The following GRIK2 variants were observed in gnomAD, a reference collection of about 807,000 sequenced individuals.
The protein encoded by GRIK2 is glutamate ionotropic receptor kainate type subunit 2, also known as glutamate receptor ionotropic, kainate 2.
GRIK2 carries 32 observed loss-of-function variants against 100.3 expected under a neutral mutation model. The observed-to-expected ratio is 0.32, with a 90% CI of 0.24 to 0.43. The LOEUF is 0.43. GRIK2 is among the 20% of genes least tolerant of loss of function. The pLI is 1.00. For missense variants in GRIK2, 843 were observed against 1,114.9 expected (o/e 0.76, Z 3.47); for synonymous variants, 417 against 389.4 (o/e 1.07, Z -0.83).
In GRIK2 at chr6:101,818,069, G is replaced by A. The variant is rs149793201; in HGVS notation, c.1204-301G>A. ...GATGTATGCCATTAATGAGTTTCTA[G>A]CCAGCTATCAAGGTATCATCAAATG... On this transcript the variant is annotated intron_variant, in intron 9 of 16. Coordinates refer to ENST00000369134, the MANE Select transcript of GRIK2 (RefSeq NM_021956.5). Among the ~76,000 whole-genome samples, 326 of 152,274 alleles carry A rather than the reference G, an allele frequency of 2.1e-3. 1 individual carries two copies. The highest frequency in any genetic ancestry group is 4.0e-3 in the Non-Finnish European group (273 of 68,016).
intron 2 of GRIK2, among the ~76,000 whole-genome samples, chr6:101,478,410 G>T (rs977030758): frequency 2.7e-5 from 4 of 147,800 alleles, no homozygotes; most frequent in African/African-American, 7.5e-5. Flanking sequence ...GAAATTAAAA[G>T]AATTTAAAAT....
intron 12 of GRIK2, 168 bp downstream of exon 12, chr6:101,890,031 C>T: frequency 3.3e-6 from 2 of 601,116 alleles, no homozygotes; most frequent in Non-Finnish European, 5.9e-6. Flanking sequence ...AATGTACTGT[C>T]CTGTCTTTGT....
chr6:101,882,079 TC>T (rs1402348878), intron 11 of GRIK2, among the ~76,000 whole-genome samples: 3 of 151,936 alleles, frequency 2.0e-5, no homozygotes, highest in Non-Finnish European at 4.4e-5. Context: ...CCTTATAAAA[TC>T]TTCAGATCTC....
rs1331291300 is a variant in GRIK2, at chr6:101,595,696, A to ATGTG, written c.116-26252_116-26251insGTGT. On this transcript the variant is annotated intron_variant, in intron 2 of 16. Transcript: ENST00000369134. ...TAAATATATTTGTGCATGTATATAT[A>ATGTG]TATGTGTGTGTGTGTGTGTGTGTAT... 4.2e-4 allele frequency among the ~76,000 whole-genome samples: 39 copies of ATGTG among 92,172 alleles called. No individual in the cohort carries two copies. In the East Asian group the frequency reaches 8.3e-3, roughly 20 times the overall value. 60.5% of individuals were successfully genotyped at this position (92,172 alleles called of 152,430 possible). A position where few individuals can be genotyped will look rare whatever the true frequency, so the allele number is the denominator to read the frequency against.
chr6:101,761,820 T>A (rs1777703924), intron 7 of GRIK2, among the ~76,000 whole-genome samples: 2 of 140,058 alleles, frequency 1.4e-5, no homozygotes, highest in Non-Finnish European at 3.0e-5. Flanking sequence ...TTCCTTCTTT[T>A]CTTTTCTTCC....
intron 12 of GRIK2, chr6:101,890,440 A>T (rs1268373819): frequency 2.0e-5 from 3 of 152,268 alleles, no homozygotes; most frequent in African/African-American, 7.2e-5. Flanking sequence ...ATCAGAAGAT[A>T]AAATGCCAAG....
rs1391820089 is a variant in GRIK2 at position 101,920,653 on chromosome 6, T to C, written c.1749-3948T>C. On this transcript the variant is annotated intron_variant, in intron 12 of 16. Transcript: ENST00000369134. ...TTGAAGGATGGGTGTAGGATTTGAA[T>C]ATCTATGGAGTGAAGAGTAGGGAAT... 2.6e-5 allele frequency among the ~76,000 whole-genome samples: 4 copies of C among 151,538 alleles called. No individual in the cohort carries two copies. In the East Asian group the frequency reaches 7.8e-4, roughly 29 times the overall value.
intron 2 of GRIK2, among the ~76,000 whole-genome samples, chr6:101,608,841 C>T (rs932797038): frequency 6.6e-6 from 1 of 150,926 alleles, no homozygotes; most frequent in East Asian, 2.0e-4. Context: ...GTGTGTCTCA[C>T]TCTCCACCCT....
At position 101,448,702 on chromosome 6, in the gene GRIK2, G is replaced by C. The variant is rs1770506675; in HGVS notation, c.115+49310G>C. On this transcript the variant is annotated intron_variant, in intron 2 of 16. Coordinates refer to ENST00000369134, the MANE Select transcript of GRIK2 (RefSeq NM_021956.5). ...TTGACAGCAACAAAAAGATTGGCAAGAAGTCACAGATATAGCCTGAGAGAA... is the reference window on the plus strand; with the variant it reads ...TTGACAGCAACAAAAAGATTGGCAACAAGTCACAGATATAGCCTGAGAGAA... Among the ~76,000 whole-genome samples the C allele has an allele frequency of 1.3e-5, 2 of 151,552 alleles. 1 individual carries two copies. The highest frequency in any genetic ancestry group is 3.9e-4 in the East Asian group (2 of 5,178).
Position 101,876,041 on chromosome 6 carries a change from C to G in GRIK2, c.1525-13599C>G, listed in dbSNP as rs571427506. On this transcript the variant is annotated intron_variant, in intron 11 of 16. Transcript: ENST00000369134. Reference sequence around the variant, plus strand: ...TGTGTGTGTGTGTGTGTAAAGATCTCTCATCTTGGGATCAACATTACAAAT... The same window carrying G: ...TGTGTGTGTGTGTGTGTAAAGATCTGTCATCTTGGGATCAACATTACAAAT... 2.0e-5 allele frequency among the ~76,000 whole-genome samples: 3 copies of G among 150,396 alleles called. No homozygotes were observed. The South Asian group carries it at 6.3e-4, about 31-fold the overall frequency.
intron 7 of GRIK2, among the ~76,000 whole-genome samples, chr6:101,687,081 T>TATAA (rs1237761979): frequency 6.6e-6 from 1 of 152,078 alleles, no homozygotes; most frequent in East Asian, 1.9e-4. Flanking sequence ...TTTAAATAAG[T>TATAA]AATCAATATA....
At chr6:101,466,202 T>C (rs1256796865) in intron 2 of GRIK2, among the ~76,000 whole-genome samples, 1 of 152,116 alleles carries the variant, frequency 6.6e-6, no homozygotes, top group Non-Finnish European at 1.5e-5. Flanking sequence ...ATTCTTCCAC[T>C]GAAACTAAAA....
At chr6:101,486,684 T>C (rs1453171963) in intron 2 of GRIK2, among the ~76,000 whole-genome samples, 2 of 116,720 alleles carry the variant, frequency 1.7e-5, no homozygotes, top group South Asian at 5.0e-4. Flanking sequence ...CTTTTCAACA[T>C]CAATAAATCA....
chr6:101,394,050 C>T (rs548811402), intron 1 of GRIK2, among the ~76,000 whole-genome samples: 1 of 152,334 alleles, frequency 6.6e-6, no homozygotes, highest in South Asian at 2.1e-4. Context: ...AGCCAATTCC[C>T]GTCAAGCATG....
intron 4 of GRIK2, among the ~76,000 whole-genome samples, chr6:101,660,632 G>A (rs2128333610): frequency 6.6e-6 from 1 of 152,264 alleles, no homozygotes; most frequent in South Asian, 2.1e-4. Context: ...GGTGTCTGAT[G>A]TTGGTGACCT....
At chr6:101,673,013 A>T (rs1344934474) in intron 4 of GRIK2, among the ~76,000 whole-genome samples, 1 of 152,162 alleles carries the variant, frequency 6.6e-6, no homozygotes, top group African/African-American at 2.4e-5. Flanking sequence ...TGGCTGAACT[A>T]ATTTACATTC....
chr6:101,649,585 A>G (rs1781695082), intron 4 of GRIK2, among the ~76,000 whole-genome samples: 1 of 152,160 alleles, frequency 6.6e-6, no homozygotes, highest in African/African-American at 2.4e-5. Flanking sequence ...TACAAGCCAC[A>G]TTTAATTTCC....
chr6:101,434,113 C>A (rs553831313), intron 2 of GRIK2, among the ~76,000 whole-genome samples: 1 of 152,184 alleles, frequency 6.6e-6, no homozygotes, highest in Non-Finnish European at 1.5e-5. Context: ...TAGACACTAA[C>A]GTGCAAATAA....
chr6:101,579,876 A>G (rs1777991080), intron 2 of GRIK2, among the ~76,000 whole-genome samples: 1 of 150,604 alleles, frequency 6.6e-6, no homozygotes, highest in Non-Finnish European at 1.5e-5. Context: ...AAAGAAATGC[A>G]TTTGATACCC....
Sources: allele counts gnomAD v4.1 joint callset (sites outside exome capture counted in the v4.1 genomes callset), GRCh38; gene constraint gnomAD v4.1.1; transcripts MANE v1.5; gene names NCBI Gene and HGNC (gene_info 2026-07-23, HGNC 2026-07-21).